Variants in MIA2 observed in about 807,000 individuals in gnomAD.
The protein encoded by MIA2 is MIA SH3 domain ER export factor 2, also known as melanoma inhibitory activity protein 2.
A neutral mutation model predicts 167.8 loss-of-function variants in MIA2; 127 were observed. The ratio of observed to expected loss-of-function variants is 0.76; its 90% confidence interval spans 0.66 to 0.88. The LOEUF (loss-of-function observed/expected upper bound fraction) is 0.88, where lower values mean the gene tolerates loss of function less well. Ranked by LOEUF, MIA2 falls within the 40% of genes least tolerant of loss-of-function variation. The pLI, the probability that MIA2 is intolerant of heterozygous loss-of-function variation, is 0.00. For missense variants in MIA2, 1,690 were observed against 1,624.7 expected (o/e 1.04, Z -0.69); for synonymous variants, 552 against 541.9 (o/e 1.02, Z -0.26).
At chr14:39,324,343 G>C (rs764447058) in intron 24 of MIA2, among the ~76,000 whole-genome samples, 1 of 152,084 alleles carries the variant, frequency 6.6e-6, no homozygotes, top group Non-Finnish European at 1.5e-5. Context: ...CTAATTATTA[G>C]GATGAAGAAG....
At chr14:39,248,844 A>G (rs2054428492) in intron 4 of MIA2, among the ~76,000 whole-genome samples, 1 of 151,944 alleles carries the variant, frequency 6.6e-6, no homozygotes, top group African/African-American at 2.4e-5. Context: ...GGCTCATGCA[A>G]TTCTCTCACC....
intron 23 of MIA2, among the ~76,000 whole-genome samples, chr14:39,374,689 G>C (rs1405142233): frequency 6.6e-6 from 1 of 152,174 alleles, no homozygotes; most frequent in Non-Finnish European, 1.5e-5. Flanking sequence ...TTCCTATCAA[G>C]GTATGTGTTC....
chr14:39,294,072 G>T lies in MIA2; in HGVS notation c.2391+1G>T, dbSNP rs759105442. 1.9e-6 allele frequency: 3 copies of T among 1,603,652 alleles called. No individual in the cohort carries two copies. The highest frequency in any genetic ancestry group is 2.6e-6 in the Non-Finnish European group (3 of 1,172,946). On this transcript the variant is annotated splice_donor_variant, in intron 12 of 28. Coordinates refer to ENST00000640607, the MANE Select transcript of MIA2 (RefSeq NM_001329214.4). LOFTEE classifies it high-confidence loss of function. ...ATCCCTCAAATCACAAGTAGCTGAA[G>T]TAAGTTGAATTAGTCTAGTAGGTCT... is the stretch of plus-strand genomic sequence containing the variant.
Position 39,269,727 on chromosome 14 carries a change from C to G in MIA2, c.1888-7207C>G, listed in dbSNP as rs1000184633. Among the ~76,000 whole-genome samples, 3 of 152,022 alleles carry G rather than the reference C, an allele frequency of 2.0e-5. No individual in the cohort carries two copies. The East Asian group carries it at 5.8e-4, about 29-fold the overall frequency. Reference sequence around the variant, plus strand: ...GTAGAGACAGGGTTTCTCCATGTTACCCAGGCTGGTCTTGAGCTCCTAGGC... The same window carrying G: ...GTAGAGACAGGGTTTCTCCATGTTAGCCAGGCTGGTCTTGAGCTCCTAGGC... On this transcript the variant is annotated intron_variant, in intron 6 of 28. Transcript: ENST00000640607.
At chr14:39,328,700 G>A (rs1023272714) in intron 25 of MIA2, among the ~76,000 whole-genome samples, 34 of 151,934 alleles carry the variant, frequency 2.2e-4, no homozygotes, top group African/African-American at 5.3e-4. Context: ...CCATTTTTCC[G>A]AACGCAATTT....
At chr14:39,264,124 AG>A (rs1237496420) in intron 6 of MIA2, among the ~76,000 whole-genome samples, 2 of 151,994 alleles carry the variant, frequency 1.3e-5, no homozygotes, top group Admixed American at 6.6e-5. Flanking sequence ...TTGAGTCCCT[AG>A]TGTTTATTTT....
Position 39,313,362 on chromosome 14 carries a change from T to C in MIA2, c.3040T>C (p.Tyr1014His), listed in dbSNP as rs748112947. The C allele has an allele frequency of 6.3e-6, 10 of 1,596,218 alleles. No individual in the cohort carries two copies. The highest frequency in any genetic ancestry group is 8.5e-6 in the Non-Finnish European group (10 of 1,171,018). ...AAGGAAATTAACAGTAGAGGAAAATTATCGGTTAGAGAAAGAAGAGAAACT... is the reference window on the plus strand; with the variant it reads ...AAGGAAATTAACAGTAGAGGAAAATCATCGGTTAGAGAAAGAAGAGAAACT... ...LHRKLTVEEN[Y>H]RLEKEEKLSK... Residue 1014 changes from tyrosine (Y) to histidine (H), a missense_variant, in exon 19 of 29, where the codon TAT becomes CAT. Coordinates refer to ENST00000640607, the MANE Select transcript of MIA2 (RefSeq NM_001329214.4).
chr14:39,332,688 G>A (rs977622389), intron 25 of MIA2, among the ~76,000 whole-genome samples: 12 of 152,162 alleles, frequency 7.9e-5, no homozygotes, highest in Non-Finnish European at 8.8e-5. Context: ...TTTCCTGAAC[G>A]CTTGTGCTTC....
intron 6 of MIA2, among the ~76,000 whole-genome samples, chr14:39,272,293 C>G (rs144212388): frequency 6.6e-6 from 1 of 151,902 alleles, no homozygotes; most frequent in Non-Finnish European, 1.5e-5. Flanking sequence ...CGGAGGTTGC[C>G]GTGAGCTGAG....
Position 39,386,937 on chromosome 14 carries a change from AG to A in MIA2, c.2304del (p.Gln770ArgfsTer39). The A allele has an allele frequency of 1.3e-6, 1 of 768,500 alleles. No individual in the cohort carries two copies. The highest frequency in any genetic ancestry group is 2.3e-6 in the Non-Finnish European group (1 of 440,692). 47.6% of individuals were successfully genotyped at this position (768,500 alleles called of 1,614,324 possible). On this transcript the variant is annotated frameshift_variant, in exon 24 of 24. Transcript: ENST00000341502. LOFTEE classifies it high-confidence loss of function. Reference sequence around the variant, plus strand: ...CCCCGGCTTCAGGTAGGGGCCTAGGAGGGCCCCAGAAATGAAGCCGAAGCAT... The same window carrying A: ...CCCCGGCTTCAGGTAGGGGCCTAGGAGGCCCCAGAAATGAAGCCGAAGCAT...
chr14:39,322,630 C>G (rs993661878), intron 24 of MIA2, among the ~76,000 whole-genome samples: 3 of 151,406 alleles, frequency 2.0e-5, no homozygotes, highest in Non-Finnish European at 2.9e-5. Flanking sequence ...TAATCATTAG[C>G]TATTCTACAT....
At chr14:39,380,122 T>G (rs1299875823) in intron 23 of MIA2, among the ~76,000 whole-genome samples, 1 of 152,210 alleles carries the variant, frequency 6.6e-6, no homozygotes, top group Non-Finnish European at 1.5e-5. Context: ...GAATGTTATA[T>G]TGAAAGAAAA....
chr14:39,319,920 A>G (rs998285405), intron 23 of MIA2, among the ~76,000 whole-genome samples: 3 of 152,132 alleles, frequency 2.0e-5, no homozygotes, highest in Non-Finnish European at 2.9e-5. Context: ...TTAAGCTTCT[A>G]AGGTACTGAA....
chr14:39,350,961 T>G (rs1275448479), downstream of MIA2: 1 of 61,732 alleles, frequency 1.6e-5, no homozygotes, highest in Non-Finnish European at 2.8e-5. Flanking sequence ...TCTTTATTGC[T>G]TTTTTTTCCC....
intron 24 of MIA2, among the ~76,000 whole-genome samples, chr14:39,322,056 T>A (rs962392229): frequency 6.6e-6 from 1 of 152,190 alleles, no homozygotes; most frequent in African/African-American, 2.4e-5. Flanking sequence ...GGATTACAAG[T>A]GTGAAACACC....
At chr14:39,287,520 C>CT (rs1160565662) in intron 9 of MIA2, among the ~76,000 whole-genome samples, 1 of 150,692 alleles carries the variant, frequency 6.6e-6, no homozygotes, top group African/African-American at 2.4e-5. Flanking sequence ...TGTTGAGGAA[C>CT]TTTCTTTTTA....
chr14:39,350,043 G>T, intron 28 of MIA2, 55 bp from the exon 29 acceptor site: 1 of 662,218 alleles, frequency 1.5e-6, no homozygotes. Context: ...ATTTATTAGG[G>T]CACAGTACAG....
intron 25 of MIA2, among the ~76,000 whole-genome samples, chr14:39,338,311 C>T (rs1462864573): frequency 6.6e-6 from 1 of 152,114 alleles, no homozygotes; most frequent in Non-Finnish European, 1.5e-5. Flanking sequence ...AAAGGGTGTG[C>T]AGGATCTCTC....
At chr14:39,268,893 A>G in intron 6 of MIA2, 5 of 559,612 alleles carry the variant, frequency 8.9e-6, no homozygotes, top group Middle Eastern at 8.9e-4. Flanking sequence ...TAACTTATTC[A>G]TGGAGGTAGG....
Sources: gnomAD v4.1 joint callset for allele counts (sites outside exome capture counted in the v4.1 genomes callset) on GRCh38, gnomAD v4.1.1 for gene constraint, MANE v1.5 for transcripts, NCBI Gene and HGNC (gene_info 2026-07-23, HGNC 2026-07-21) for gene names.